Variants in PARVA observed in about 807,000 individuals in gnomAD.
The protein encoded by PARVA is alpha-parvin.
Under a neutral mutation model 52.6 loss-of-function variants are expected in PARVA, and 25 were observed. The ratio of observed to expected loss-of-function variants is 0.48; its 90% CI spans 0.35 to 0.66. PARVA has a LOEUF of 0.66. PARVA is among the 30% of genes least tolerant of loss of function. PARVA has a pLI of 0.01. For missense variants in PARVA, 373 were observed against 450.9 expected (o/e 0.83, Z 1.56); for synonymous variants, 185 against 179.1 (o/e 1.03, Z -0.26).
chr11:12,467,831 C>A (rs1230263771), intron 1 of PARVA, among the ~76,000 whole-genome samples: 1 of 152,134 alleles, frequency 6.6e-6, no homozygotes, highest in African/African-American at 2.4e-5. Flanking sequence ...ATACAGTGGG[C>A]GTGGTTCAGG....
chr11:12,511,135 C>T (rs919980922), intron 7 of PARVA, among the ~76,000 whole-genome samples: 4 of 152,166 alleles, frequency 2.6e-5, no homozygotes, highest in African/African-American at 4.8e-5. Flanking sequence ...TGAGCTCACT[C>T]GTAAGAATTC....
chr11:12,458,612 G>T (rs1229838520), intron 1 of PARVA, among the ~76,000 whole-genome samples: 2 of 152,152 alleles, frequency 1.3e-5, no homozygotes, highest in Admixed American at 1.3e-4. Flanking sequence ...CTCTCCTGGG[G>T]AAAGGGGAGA....
chr11:12,399,109 A>G (rs1181551657), intron 1 of PARVA, among the ~76,000 whole-genome samples: 2 of 152,212 alleles, frequency 1.3e-5, no homozygotes, highest in East Asian at 3.8e-4. Context: ...CGGTTCCAAA[A>G]TCTATTTTCC....
intron 1 of PARVA, among the ~76,000 whole-genome samples, chr11:12,471,557 G>C (rs11022364): frequency 0.17 from 26,296 of 151,054 alleles, 2,693 homozygotes; most frequent in Middle Eastern, 0.24. Flanking sequence ...AATTTGCAGC[G>C]ACGTGGATGG....
intron 1 of PARVA, among the ~76,000 whole-genome samples, chr11:12,471,853 C>A (rs1266601989): frequency 6.6e-6 from 1 of 152,206 alleles, no homozygotes. Flanking sequence ...GAGAGAAAGT[C>A]CCAGGCAGGA....
chr11:12,384,693 G>A (rs112041448), intron 1 of PARVA, among the ~76,000 whole-genome samples: 103 of 152,296 alleles, frequency 6.8e-4, no homozygotes, highest in African/African-American at 2.1e-3. Flanking sequence ...CATTACAGGT[G>A]GAAGGAATGA....
At chr11:12,515,128 T>G (rs969364998) in intron 10 of PARVA, among the ~76,000 whole-genome samples, 3 of 152,252 alleles carry the variant, frequency 2.0e-5, no homozygotes, top group African/African-American at 7.2e-5. Context: ...ACTTGGATTA[T>G]TTGGTTAGGA....
Position 12,473,847 on chromosome 11 carries a change from T to C in PARVA, c.226+13T>C. On this transcript the variant is annotated intron_variant, in intron 2 of 12. Coordinates refer to ENST00000334956, the MANE Select transcript of PARVA (RefSeq NM_018222.5). ...GACACGATGCTGGGTAACTGTGCTC[T>C]TGTCTCTGAATTCGCTTAAGCTTTC... 6.4e-7 allele frequency: 1 copy of C among 1,566,124 alleles called. No individual in the cohort carries two copies. Among genetic ancestry groups the C allele is most frequent in the African/African-American group, 1.4e-5 (1 of 73,786 alleles).
intron 8 of PARVA, among the ~76,000 whole-genome samples, chr11:12,512,721 A>T (rs1160990470): frequency 6.6e-6 from 1 of 152,232 alleles, no homozygotes; most frequent in Non-Finnish European, 1.5e-5. Flanking sequence ...CATCCTCATG[A>T]CAAACCTGAG....
At chr11:12,503,044 A>G (rs534151529) in intron 5 of PARVA, among the ~76,000 whole-genome samples, 1 of 152,200 alleles carries the variant, frequency 6.6e-6, no homozygotes, top group East Asian at 1.9e-4. Flanking sequence ...CTAGTGAGAA[A>G]ACTACAACCC....
At chr11:12,492,540 T>C (rs1941246277) in intron 4 of PARVA, among the ~76,000 whole-genome samples, 1 of 151,700 alleles carries the variant, frequency 6.6e-6, no homozygotes, top group Admixed American at 6.6e-5. Flanking sequence ...GAAATATTAT[T>C]TGAGGGGGCC....
At chr11:12,423,909 T>G (rs1940188879) in intron 1 of PARVA, among the ~76,000 whole-genome samples, 1 of 152,238 alleles carries the variant, frequency 6.6e-6, no homozygotes. Flanking sequence ...TACATCCTCC[T>G]GCAATCTTCT....
chr11:12,388,873 T>C (rs1939617520), intron 1 of PARVA, among the ~76,000 whole-genome samples: 1 of 152,192 alleles, frequency 6.6e-6, no homozygotes, highest in Non-Finnish European at 1.5e-5. Flanking sequence ...TCATTTTTTT[T>C]CTTCTGTAAA....
At position 12,475,954 on chromosome 11, in the gene PARVA, C is replaced by T. The variant is rs565887244; in HGVS notation, c.298-1893C>T. Among the ~76,000 whole-genome samples the T allele has an allele frequency of 9.2e-5, 14 of 152,302 alleles. No homozygotes were observed. In the South Asian group the frequency reaches 1.9e-3, roughly 20 times the overall value. On this transcript the variant is annotated intron_variant, in intron 3 of 12. Coordinates refer to ENST00000334956, the MANE Select transcript of PARVA (RefSeq NM_018222.5). ...CAGTTGAGGTGCAGGCTGTGCCTGC[C>T]GCTGCACACTCTCCGGGGTGCTGGG...
chr11:12,390,995 C>T (rs140401923), intron 1 of PARVA, among the ~76,000 whole-genome samples: 2 of 152,254 alleles, frequency 1.3e-5, no homozygotes, highest in Admixed American at 6.5e-5. Context: ...TCTTGGTGGG[C>T]TCAGCAGCTC....
At chr11:12,506,441 G>C (rs1052195627) in intron 6 of PARVA, among the ~76,000 whole-genome samples, 6 of 152,108 alleles carry the variant, frequency 3.9e-5, no homozygotes, top group African/African-American at 2.4e-5. Context: ...TTTCTTATCA[G>C]CTAGAATAAA....
chr11:12,504,046 T>A (rs1941396718), intron 5 of PARVA, among the ~76,000 whole-genome samples: 1 of 152,078 alleles, frequency 6.6e-6, no homozygotes, highest in Admixed American at 6.6e-5. Flanking sequence ...CATATACTTT[T>A]CAACCACCAG....
At chr11:12,435,105 G>A (rs35612658) in intron 1 of PARVA, among the ~76,000 whole-genome samples, 37,860 of 152,100 alleles carry the variant, frequency 0.25, 4,980 homozygotes, top group Admixed American at 0.32. Context: ...TTCTGGCAAA[G>A]TTTACCTGGG....
At chr11:12,447,057 A>C (rs1940557168) in intron 1 of PARVA, among the ~76,000 whole-genome samples, 1 of 152,202 alleles carries the variant, frequency 6.6e-6, no homozygotes, top group African/African-American at 2.4e-5. Flanking sequence ...ATGCCCAGGC[A>C]CCTGGCTGTA....
Sources: allele counts gnomAD v4.1 joint callset (sites outside exome capture counted in the v4.1 genomes callset), GRCh38; gene constraint gnomAD v4.1.1; transcripts MANE v1.5; gene names NCBI Gene and HGNC (gene_info 2026-07-23, HGNC 2026-07-21).